FBP2: variants seen among roughly 807,000 people sequenced by gnomAD.
FBP2 encodes fructose-1,6-bisphosphatase isozyme 2.
A neutral mutation model predicts 31.6 loss-of-function variants in FBP2; 27 were observed. The ratio of observed to expected loss-of-function variants is 0.85; its 90% CI spans 0.63 to 1.18. FBP2 has a LOEUF of 1.18. Among genes scored for constraint, FBP2 ranks in the 50% most tolerant of loss-of-function variants. FBP2 has a pLI of 0.00. For synonymous variants in FBP2, 168 were observed against 179.8 expected (o/e 0.93, Z 0.53); for missense variants, 421 against 436.1 (o/e 0.97, Z 0.31).
At chr9:94,591,925 C>A (rs1236462376) in intron 1 of FBP2, among the ~76,000 whole-genome samples, 1 of 152,192 alleles carries the variant, frequency 6.6e-6, no homozygotes, top group South Asian at 2.1e-4. Context: ...CTTGCTCAAC[C>A]GCCATAAAGT....
chr9:94,566,333 C>T (rs755884679), intron 5 of FBP2, among the ~76,000 whole-genome samples: 1 of 152,240 alleles, frequency 6.6e-6, no homozygotes, highest in Non-Finnish European at 1.5e-5. Flanking sequence ...GGGCAAGGAA[C>T]ACCTGGCCCG....
intron 5 of FBP2, among the ~76,000 whole-genome samples, chr9:94,564,868 G>A (rs1827163040): frequency 6.6e-6 from 1 of 152,112 alleles, no homozygotes; most frequent in South Asian, 2.1e-4. Flanking sequence ...ATAGTGTTCT[G>A]AACCACTGTA....
intron 5 of FBP2, among the ~76,000 whole-genome samples, chr9:94,564,733 C>T (rs1001766207): frequency 6.6e-6 from 1 of 152,012 alleles, no homozygotes; most frequent in Non-Finnish European, 1.5e-5. Flanking sequence ...ACCTGGGAGA[C>T]AAACAATCTA....
chr9:94,591,031 T>C (rs1162895334), intron 1 of FBP2, among the ~76,000 whole-genome samples: 1 of 130,196 alleles, frequency 7.7e-6, no homozygotes, highest in Non-Finnish European at 1.7e-5. Context: ...CTGAGCTAGA[T>C]ATAAAGACTC....
At position 94,593,798 on chromosome 9, in the gene FBP2, C is replaced by T; in HGVS notation, c.-72G>A. 6.5e-7 allele frequency: 1 copy of T among 1,534,736 alleles called. No individual in the cohort carries two copies. Among genetic ancestry groups the T allele is most frequent in the Non-Finnish European group, 8.9e-7 (1 of 1,125,100 alleles). On this transcript the variant is annotated 5_prime_UTR_variant, in exon 1 of 7. Coordinates refer to ENST00000375337, the MANE Select transcript of FBP2 (RefSeq NM_003837.4). Reference sequence around the variant, plus strand: ...CTTACTTCTGAGGGCTGCAGCTCCGCAGTGTGGAAGCCGATAAGAAATCTG... The same window carrying T: ...CTTACTTCTGAGGGCTGCAGCTCCGTAGTGTGGAAGCCGATAAGAAATCTG...
In FBP2 at chr9:94,593,572, G is replaced by C. The variant is rs762140130; in HGVS notation, c.155C>G (p.Ala52Gly). ...IKAISSAVRKAGLAHLYGIAG... is the reference protein window; with the variant it reads ...IKAISSAVRKGGLAHLYGIAG... ...CAGGACTCACAGGTGGGCCAGACCG[G>C]CCTTGCGCACAGCCGAGGAGATGGC... The change falls in exon 1 of 7, where the codon GCC becomes GGC. Residue 52 changes from alanine (A) to glycine (G), a missense_variant. By Grantham distance (60) the Ala-to-Gly change is moderately conservative (BLOSUM62 0). Coordinates refer to ENST00000375337, the MANE Select transcript of FBP2 (RefSeq NM_003837.4). 2.5e-5 allele frequency: 40 copies of C among 1,613,592 alleles called. No homozygotes were observed. The highest frequency in any genetic ancestry group is 3.4e-5 in the Non-Finnish European group (40 of 1,179,948).
chr9:94,558,763 T>G lies in FBP2; in HGVS notation c.*175A>C. The G allele has an allele frequency of 1.6e-6, 1 of 616,564 alleles. No homozygotes were observed. Among genetic ancestry groups the G allele is most frequent in the Admixed American group, 3.0e-5 (1 of 33,510 alleles). 38.2% of individuals were successfully genotyped at this position (616,564 alleles called of 1,614,324 possible). A position where few individuals can be genotyped will look rare whatever the true frequency, so the allele number is the denominator to read the frequency against. On this transcript the variant is annotated 3_prime_UTR_variant, in exon 7 of 7. Transcript: ENST00000375337. The stretch of plus-strand genomic sequence containing the variant: ...TATTTCTAGTCCTTCACATTGACCA[T>G]AGAATCGCCTGTGGCTTCCAAACCT...
chr9:94,587,549 G>A, intron 1 of FBP2, 80 bp from the exon 2 acceptor site: 1 of 1,240,388 alleles, frequency 8.1e-7, no homozygotes, highest in Middle Eastern at 2.0e-4. Flanking sequence ...TAAAACGCCA[G>A]CAGTGCAGTC....
At chr9:94,570,131 A>T (rs773236321) in intron 4 of FBP2, 4 of 152,202 alleles carry the variant, frequency 2.6e-5, no homozygotes, top group Non-Finnish European at 5.9e-5. Flanking sequence ...CTATGTCCAG[A>T]CTGGGCCCTG....
At chr9:94,590,423 C>T (rs750992271) in intron 1 of FBP2, among the ~76,000 whole-genome samples, 3 of 144,636 alleles carry the variant, frequency 2.1e-5, no homozygotes, top group Non-Finnish European at 3.0e-5. Context: ...AAGATCTCCC[C>T]AAAAGGAGCC....
At chr9:94,565,764 CATAGATGATAGATAGATAG>C (rs886346275) in intron 5 of FBP2, among the ~76,000 whole-genome samples, 10 of 60,122 alleles carry the variant, frequency 1.7e-4, no homozygotes, top group Non-Finnish European at 1.6e-4. Flanking sequence ...AAAATAGATA[CATAGATGATAGATAGATAG>C]ATAGATGATA....
chr9:94,589,161 G>A (rs554066150), intron 1 of FBP2, among the ~76,000 whole-genome samples: 1 of 152,014 alleles, frequency 6.6e-6, no homozygotes, highest in Admixed American at 6.5e-5. Flanking sequence ...GAGGGAAGCC[G>A]TATCCTTCAT....
chr9:94,571,255 A>T (rs929607647), intron 4 of FBP2, among the ~76,000 whole-genome samples: 5 of 152,134 alleles, frequency 3.3e-5, no homozygotes, highest in African/African-American at 1.2e-4. Flanking sequence ...GCTCTGCAGG[A>T]CACTCCTCCC....
At chr9:94,591,049 C>T (rs1827493394) in intron 1 of FBP2, among the ~76,000 whole-genome samples, 1 of 152,218 alleles carries the variant, frequency 6.6e-6, no homozygotes, top group African/African-American at 2.4e-5. Context: ...CTCTCCACGT[C>T]CCCACCAGAC....
At chr9:94,593,003 A>G (rs1003994610) in intron 1 of FBP2, among the ~76,000 whole-genome samples, 1 of 152,250 alleles carries the variant, frequency 6.6e-6, no homozygotes, top group South Asian at 2.1e-4. Flanking sequence ...CTGCACACCA[A>G]GTGGAGGTGA....
At position 94,590,860 on chromosome 9, in the gene FBP2, C is replaced by G. The variant is rs547864181; in HGVS notation, c.170+2697G>C. ...TGGTGCGTTTACAATCCCTGAGCTA[C>G]ATACAAAGGTTCTCCACGTCCCCAT... is the stretch of plus-strand genomic sequence containing the variant. On this transcript the variant is annotated intron_variant, in intron 1 of 6. Coordinates refer to ENST00000375337, the MANE Select transcript of FBP2 (RefSeq NM_003837.4). Among the ~76,000 whole-genome samples, 33 of 152,238 alleles carry G rather than the reference C, an allele frequency of 2.2e-4. No homozygotes were observed. The South Asian group carries it at 6.6e-3, about 31-fold the overall frequency.
intron 3 of FBP2, chr9:94,576,690 T>C (rs1587842644): frequency 6.6e-6 from 1 of 150,732 alleles, no homozygotes; most frequent in African/African-American, 2.5e-5. Context: ...TGACAAACTT[T>C]GGAATTTTGG....
Position 94,562,596 on chromosome 9 carries a change from A to G in FBP2, c.825+746T>C, listed in dbSNP as rs139094641. Among the ~76,000 whole-genome samples the G allele has an allele frequency of 5.7e-3, 871 of 152,302 alleles. 6 individuals are homozygous for G. The highest frequency in any genetic ancestry group is 0.019 in the East Asian group (97 of 5,184). On this transcript the variant is annotated intron_variant, in intron 6 of 6. Coordinates refer to ENST00000375337, the MANE Select transcript of FBP2 (RefSeq NM_003837.4). ...AAATCTCAAGGTGACTCTGAGAGAC[A>G]GAAAAATGTGTCGCTGGTTGTTGGT...
chr9:94,561,584 C>G (rs1827104211), intron 6 of FBP2, among the ~76,000 whole-genome samples: 1 of 151,958 alleles, frequency 6.6e-6, no homozygotes, highest in Non-Finnish European at 1.5e-5. Context: ...CCAGGATGGT[C>G]TCGATCTTCT....
Sources: allele counts gnomAD v4.1 joint callset (sites outside exome capture counted in the v4.1 genomes callset), GRCh38; gene constraint gnomAD v4.1.1; transcripts MANE v1.5; gene names NCBI Gene and HGNC (gene_info 2026-07-23, HGNC 2026-07-21).